MYH10: variants seen among roughly 807,000 people sequenced by gnomAD.
MYH10 encodes the protein myosin heavy chain 10, also known as myosin-10.
Under a neutral mutation model 257.8 loss-of-function variants are expected in MYH10, and 55 were observed. That is an observed-to-expected ratio of 0.21 (90% CI 0.17 to 0.27). MYH10 has a LOEUF of 0.27. Ranked by LOEUF, MYH10 falls within the 10% of genes least tolerant of loss-of-function variation. MYH10 has a pLI of 1.00. For synonymous variants in MYH10, 854 were observed against 921.7 expected, an observed-to-expected ratio of 0.93 and a Z score of 1.33; for missense variants, 1,631 against 2,500.6, an observed-to-expected ratio of 0.65 and a Z score of 7.42.
chr17:8,623,190 A>G lies in MYH10; in HGVS notation c.57T>C (p.Ala19=). 1.9e-6 allele frequency: 3 copies of G among 1,611,334 alleles called. No homozygotes were observed. In the East Asian group the frequency reaches 6.7e-5, roughly 36 times the overall value. The change falls in exon 2 of 43, where the codon GCT becomes GCC. Residue 19 remains alanine, a synonymous_variant. Transcript: ENST00000360416. ...CTTGAGTGGCAGGGTTGTAGATGAC[A>G]GCCCTGTCCACAAAGAGATACCTCT... ...DPERYLFVDR[A]VIYNPATQAD... is the part of the protein sequence containing the mutation.
chr17:8,573,728 C>T, intron 6 of MYH10: 1 of 602,164 alleles, frequency 1.7e-6, no homozygotes. Context: ...AAAAAGTACA[C>T]CAAAAGTTCA....
At chr17:8,529,123 A>G (rs772131496) in intron 17 of MYH10, among the ~76,000 whole-genome samples, 1 of 152,228 alleles carries the variant, frequency 6.6e-6, no homozygotes, top group Non-Finnish European at 1.5e-5. Context: ...ATACACCCCA[A>G]AGATCATGCT....
intron 4 of MYH10, among the ~76,000 whole-genome samples, chr17:8,579,100 G>C (rs1368040801): frequency 6.6e-6 from 1 of 151,876 alleles, no homozygotes; most frequent in Non-Finnish European, 1.5e-5. Flanking sequence ...AGCATAATGA[G>C]ACCCACATCT....
intron 14 of MYH10, among the ~76,000 whole-genome samples, chr17:8,541,158 T>A (rs2082278968): frequency 6.6e-6 from 1 of 152,218 alleles, no homozygotes; most frequent in Admixed American, 6.5e-5. Flanking sequence ...TGACTGCAGG[T>A]ACTGTACCAT....
chr17:8,599,887 G>A (rs2084525830), intron 3 of MYH10, among the ~76,000 whole-genome samples: 1 of 152,190 alleles, frequency 6.6e-6, no homozygotes, highest in Non-Finnish European at 1.5e-5. Context: ...AAGAGATAAT[G>A]ATCTGTTCAT....
chr17:8,602,372 C>CGGTCCTT (rs2084643194), intron 3 of MYH10, among the ~76,000 whole-genome samples: 2 of 152,172 alleles, frequency 1.3e-5, no homozygotes. Flanking sequence ...ATTCTCCACA[C>CGGTCCTT]GGTCCTTGGT....
chr17:8,495,024 T>A, intron 31 of MYH10, 113 bp downstream of exon 31: 1 of 674,868 alleles, frequency 1.5e-6, no homozygotes, highest in East Asian at 2.7e-5. Flanking sequence ...AAGTATGACA[T>A]AAAACTAGTA....
rs547843663 is a variant in MYH10 at position 8,630,274 on chromosome 17, C to T, written c.-32+380G>A. On this transcript the variant is annotated intron_variant, in intron 1 of 42. Coordinates refer to ENST00000360416, the MANE Select transcript of MYH10 (RefSeq NM_001256012.3). ...TCGCGCCCCCAGGGATCCCACCCACCGAGAACCTGGTCCTCACGTCCCCAC... is the reference window on the plus strand; with the variant it reads ...TCGCGCCCCCAGGGATCCCACCCACTGAGAACCTGGTCCTCACGTCCCCAC... 4.5e-3 allele frequency among the ~76,000 whole-genome samples: 686 copies of T among 151,928 alleles called. 9 individuals carry two copies. Among genetic ancestry groups the T allele is most frequent in the African/African-American group, 0.016 (650 of 41,424 alleles).
chr17:8,531,569 T>TC (rs2082004457), intron 16 of MYH10, among the ~76,000 whole-genome samples: 1 of 151,556 alleles, frequency 6.6e-6, no homozygotes, highest in Admixed American at 6.6e-5. Flanking sequence ...TTTTTTTTTT[T>TC]CAGTTGAGAC....
intron 7 of MYH10, chr17:8,560,595 T>A: frequency 2.2e-6 from 2 of 897,344 alleles, no homozygotes; most frequent in Non-Finnish European, 3.4e-6. Context: ...CACTGAGCAC[T>A]GGAGGAAAAG....
chr17:8,604,712 T>A (rs1016620979), intron 3 of MYH10, 114 bp downstream of exon 3: 4 of 771,170 alleles, frequency 5.2e-6, no homozygotes, highest in Non-Finnish European at 7.2e-6. Flanking sequence ...ATTACTTTTT[T>A]ATTAATTTTA....
chr17:8,557,642 C>T (rs2082850295), intron 7 of MYH10, among the ~76,000 whole-genome samples: 1 of 152,184 alleles, frequency 6.6e-6, no homozygotes, highest in Non-Finnish European at 1.5e-5. Flanking sequence ...GAAGGGCCAG[C>T]TCCCAGTGCC....
rs185070564 is a variant in MYH10 at position 8,613,670 on chromosome 17, G to C, written c.346-8688C>G. 3.1e-3 allele frequency among the ~76,000 whole-genome samples: 474 copies of C among 152,078 alleles called. 4 individuals are homozygous for C. Among genetic ancestry groups the C allele is most frequent in the African/African-American group, 0.011 (454 of 41,500 alleles). On this transcript the variant is annotated intron_variant, in intron 2 of 42. Transcript: ENST00000360416. ...AAGATTAAAAAATAAACATAGAGCG[G>C]GTAGGATAAAAAGAAAGCAATGAAT...
At chr17:8,618,644 T>C (rs1340175032) in intron 2 of MYH10, among the ~76,000 whole-genome samples, 2 of 152,238 alleles carry the variant, frequency 1.3e-5, no homozygotes, top group African/African-American at 4.8e-5. Context: ...ACCTTGCGTA[T>C]TGAACAAGTC....
chr17:8,579,562 G>A (rs1210690119), intron 4 of MYH10, among the ~76,000 whole-genome samples: 1 of 151,988 alleles, frequency 6.6e-6, no homozygotes, highest in Non-Finnish European at 1.5e-5. Flanking sequence ...CCCACTTAAT[G>A]GTTTATAAGA....
rs147374227 is a variant in MYH10, at chr17:8,503,110, C to A, written c.3599+1584G>T. Among the ~76,000 whole-genome samples, 4 of 152,166 alleles carry A rather than the reference C, an allele frequency of 2.6e-5. No homozygotes were observed. In the East Asian group the frequency reaches 7.7e-4, roughly 29 times the overall value. ...CCAGCCTGACTAACATGGAGAAACC[C>A]CATCTCTACCAAAAAATACAAAATT... On this transcript the variant is annotated intron_variant, in intron 28 of 42. Coordinates refer to ENST00000360416, the MANE Select transcript of MYH10 (RefSeq NM_001256012.3).
chr17:8,513,411 G>T, intron 23 of MYH10, 127 bp downstream of exon 23: 1 of 1,377,732 alleles, frequency 7.3e-7, no homozygotes, highest in Non-Finnish European at 9.6e-7. Context: ...GAGTGAAAAG[G>T]CCTCCCATAA....
At chr17:8,550,011 G>A (rs1017271659) in intron 9 of MYH10, among the ~76,000 whole-genome samples, 17 of 150,930 alleles carry the variant, frequency 1.1e-4, no homozygotes, top group Non-Finnish European at 8.9e-5. Context: ...CCAGGCTGGA[G>A]TGCAGTGGCG....
chr17:8,520,745 A>G, intron 19 of MYH10, 133 bp downstream of exon 19: 1 of 957,962 alleles, frequency 1.0e-6, no homozygotes, highest in South Asian at 1.8e-5. Flanking sequence ...CCAGAACCTC[A>G]CTATATGTTT....
Sources: allele counts gnomAD v4.1 joint callset (sites outside exome capture counted in the v4.1 genomes callset), GRCh38; gene constraint gnomAD v4.1.1; transcripts MANE v1.5; gene names NCBI Gene and HGNC (gene_info 2026-07-23, HGNC 2026-07-21).